MYOF: variants seen among roughly 807,000 people sequenced by gnomAD.
MYOF encodes the protein fer-1-like 3, myoferlin.
MYOF carries 244 observed loss-of-function variants against 284.2 expected under a neutral mutation model. That is an observed-to-expected ratio of 0.86 (90% CI 0.77 to 0.95). MYOF has a LOEUF of 0.95. MYOF is among the 40% of genes least tolerant of loss of function. The pLI, the probability that MYOF is intolerant of heterozygous loss-of-function variation, is 0.00. For synonymous variants in MYOF, 904 were observed against 919.7 expected (o/e 0.98, Z 0.31); for missense variants, 2,496 against 2,560.6 (o/e 0.97, Z 0.54).
intron 26 of MYOF, among the ~76,000 whole-genome samples, chr10:93,364,360 T>C (rs914414937): frequency 2.0e-5 from 3 of 152,244 alleles, no homozygotes; most frequent in African/African-American, 4.8e-5. Context: ...AAAACAGTAT[T>C]GTGGGCAGCT....
At chr10:93,332,423 G>C (rs1465839559) in intron 43 of MYOF, among the ~76,000 whole-genome samples, 1 of 151,640 alleles carries the variant, frequency 6.6e-6, no homozygotes, top group Non-Finnish European at 1.5e-5. Context: ...GGTTTCACCA[G>C]GTTGGCCAGG....
intron 1 of MYOF, 35 bp downstream of exon 1, chr10:93,482,072 C>T (rs1359697572): frequency 5.1e-6 from 8 of 1,570,082 alleles, no homozygotes; most frequent in Admixed American, 3.3e-5. Context: ...CATTCCAAAA[C>T]AGGACTTCAG....
chr10:93,470,494 A>C (rs1472736631), intron 1 of MYOF, among the ~76,000 whole-genome samples: 1 of 151,624 alleles, frequency 6.6e-6, no homozygotes, highest in Non-Finnish European at 1.5e-5. Flanking sequence ...TCTGTCTCCC[A>C]GGTTCGAGCC....
intron 40 of MYOF, among the ~76,000 whole-genome samples, chr10:93,336,433 T>C (rs975390726): frequency 3.3e-5 from 5 of 152,178 alleles, no homozygotes. Context: ...AACCACATGA[T>C]GAGTCTCAAA....
In MYOF at chr10:93,413,010, G is replaced by A. The variant is rs557075304; in HGVS notation, c.434-3271C>T. ...CTTCCTTCCATCATCCTGGGCCTAA[G>A]TGGTACTTCCTCCTTGCCATAATTA... On this transcript the variant is annotated intron_variant, in intron 5 of 53. Coordinates refer to ENST00000359263, the MANE Select transcript of MYOF (RefSeq NM_013451.4). Among the ~76,000 whole-genome samples, 86 of 152,226 alleles carry A rather than the reference G, an allele frequency of 5.6e-4. No homozygotes were observed. In the Middle Eastern group the frequency reaches 0.01, roughly 18 times the overall value.
chr10:93,423,699 G>A (rs1216187396), intron 5 of MYOF, among the ~76,000 whole-genome samples: 1 of 151,564 alleles, frequency 6.6e-6, no homozygotes, highest in Non-Finnish European at 1.5e-5. Flanking sequence ...TGGACGTGGT[G>A]GCGGGCGCCT....
intron 48 of MYOF, among the ~76,000 whole-genome samples, chr10:93,320,215 TATC>T (rs1344817724): frequency 6.6e-6 from 1 of 152,150 alleles, no homozygotes; most frequent in Non-Finnish European, 1.5e-5. Flanking sequence ...CCAAATAAAA[TATC>T]ATTCCCCTAA....
chr10:93,480,094 T>C (rs1320856592), intron 1 of MYOF, among the ~76,000 whole-genome samples: 1 of 152,242 alleles, frequency 6.6e-6, no homozygotes, highest in Non-Finnish European at 1.5e-5. Flanking sequence ...TGTCTTTATA[T>C]GTCAATGATG....
chr10:93,471,895 A>T (rs1287364450), intron 1 of MYOF, among the ~76,000 whole-genome samples: 1 of 152,050 alleles, frequency 6.6e-6, no homozygotes, highest in East Asian at 1.9e-4. Flanking sequence ...GTCTCAAAAA[A>T]AAAAAAAAGG....
chr10:93,334,958 G>A (rs188488364), intron 41 of MYOF, among the ~76,000 whole-genome samples: 1 of 152,326 alleles, frequency 6.6e-6, no homozygotes, highest in East Asian at 1.9e-4. Flanking sequence ...AGCAGCAGCA[G>A]CACATCTGCC....
At chr10:93,317,615 C>A (rs772304143) in intron 49 of MYOF, among the ~76,000 whole-genome samples, 3 of 151,974 alleles carry the variant, frequency 2.0e-5, no homozygotes, top group Non-Finnish European at 4.4e-5. Context: ...CCAGCCTGGG[C>A]GACAGAGATT....
In MYOF at chr10:93,316,789, T is replaced by C. The variant is rs746716670; in HGVS notation, c.5623A>G (p.Thr1875Ala). 3.7e-6 allele frequency: 6 copies of C among 1,613,680 alleles called. No individual in the cohort carries two copies. The highest frequency in any genetic ancestry group is 1.1e-5 in the South Asian group (1 of 91,066). The change falls in exon 50 of 54, where the codon ACG (threonine) becomes GCG (alanine). Residue 1875 changes from threonine (T) to alanine (A), a missense_variant. By Grantham distance (58) the Thr-to-Ala change is moderately conservative. Transcript: ENST00000359263. ...AGCCTGGGTGGGATTCGAAATTCCGTTTGGTCAATACTCCAGAAATGCTCC... is the reference window on the plus strand; with the variant it reads ...AGCCTGGGTGGGATTCGAAATTCCGCTTGGTCAATACTCCAGAAATGCTCC... Reference protein sequence around the residue: ...KKEHFWSIDQTEFRIPPRLII... With the variant: ...KKEHFWSIDQAEFRIPPRLII...
chr10:93,423,831 TAA>T (rs1297927506), intron 5 of MYOF, among the ~76,000 whole-genome samples: 2 of 122,270 alleles, frequency 1.6e-5, no homozygotes. Flanking sequence ...AGACTCTGTC[TAA>T]AAAAAAAAAA....
intron 7 of MYOF, among the ~76,000 whole-genome samples, chr10:93,406,822 T>C (rs146364283): frequency 9.5e-4 from 144 of 152,096 alleles, no homozygotes; most frequent in Middle Eastern, 3.4e-3. Context: ...GAAGAAATCA[T>C]TTCTTTTCTG....
intron 1 of MYOF, among the ~76,000 whole-genome samples, chr10:93,475,484 T>C (rs1470580064): frequency 3.3e-5 from 5 of 152,152 alleles, no homozygotes. Flanking sequence ...ACATGGTTCT[T>C]TGCTAAGCCT....
intron 25 of MYOF, among the ~76,000 whole-genome samples, 169 bp downstream of exon 25, chr10:93,369,476 G>A (rs1195190895): frequency 6.6e-6 from 1 of 152,104 alleles, no homozygotes; most frequent in Non-Finnish European, 1.5e-5. Context: ...TAAAATCTCA[G>A]GAGCATCTTC....
In MYOF at chr10:93,366,575, A is replaced by C; in HGVS notation, c.2590-20T>G. ...TTCATACTATTAAAAAAGAGATAAA[A>C]TTGGAGAAACACCATCAGAGAGCAA... On this transcript the variant is annotated intron_variant, in intron 25 of 53. Coordinates refer to ENST00000359263, the MANE Select transcript of MYOF (RefSeq NM_013451.4). 1 of 1,579,692 alleles carries C rather than the reference A, an allele frequency of 6.3e-7. No homozygotes were observed. The highest frequency in any genetic ancestry group is 8.6e-7 in the Non-Finnish European group (1 of 1,165,854).
intron 44 of MYOF, 120 bp downstream of exon 44, chr10:93,329,544 T>C: frequency 1.0e-6 from 1 of 1,002,956 alleles, no homozygotes; most frequent in Non-Finnish European, 1.4e-6. Context: ...TTGAAATCCA[T>C]ACCTGAGTGA....
At chr10:93,328,468 G>A (rs1286660372) in intron 45 of MYOF, among the ~76,000 whole-genome samples, 2 of 152,174 alleles carry the variant, frequency 1.3e-5, no homozygotes, top group Non-Finnish European at 2.9e-5. Flanking sequence ...TACTGTATGG[G>A]CATTTTTTTA....
Sources: allele counts gnomAD v4.1 joint callset (sites outside exome capture counted in the v4.1 genomes callset), GRCh38; gene constraint gnomAD v4.1.1; transcripts MANE v1.5; gene names NCBI Gene and HGNC (gene_info 2026-07-23, HGNC 2026-07-21).